BLNK: variants seen among roughly 807,000 people sequenced by gnomAD.
BLNK encodes B-cell linker protein.
BLNK carries 29 observed loss-of-function variants against 73.5 expected under a neutral mutation model. The observed-to-expected ratio is 0.39, with a 90% CI of 0.29 to 0.54. The LOEUF (loss-of-function observed/expected upper bound fraction) is 0.54. Ranked by LOEUF, BLNK falls within the 20% of genes least tolerant of loss-of-function variation. The pLI is 0.61. For synonymous variants in BLNK, 176 were observed against 200.8 expected, an observed-to-expected ratio of 0.88 and a Z score of 1.04; for missense variants, 460 against 562.8, an observed-to-expected ratio of 0.82 and a Z score of 1.85.
chr10:96,220,290 T>C (rs782740779), intron 6 of BLNK, among the ~76,000 whole-genome samples: 1 of 152,164 alleles, frequency 6.6e-6, no homozygotes, highest in Non-Finnish European at 1.5e-5. Context: ...TCATTAATCT[T>C]GTCAGTGCGA....
intron 6 of BLNK, among the ~76,000 whole-genome samples, chr10:96,220,451 C>G (rs183522079): frequency 7.2e-5 from 11 of 152,322 alleles, no homozygotes; most frequent in Non-Finnish European, 8.8e-5. Flanking sequence ...GCCCAACTTT[C>G]TCATCTTTAT....
At position 96,204,099 on chromosome 10, in the gene BLNK, G is replaced by C; in HGVS notation, c.903-11C>G. On this transcript the variant is annotated splice_polypyrimidine_tract_variant and intron_variant, in intron 12 of 16. Coordinates refer to ENST00000224337, the MANE Select transcript of BLNK (RefSeq NM_013314.4). ...TTTTGGTGGATTTGTCTGCAAGAAA[G>C]AATTTCAGATAATTAAAGGACAAAG... 6.2e-7 allele frequency: 1 copy of C among 1,613,756 alleles called. No homozygotes were observed. The highest frequency in any genetic ancestry group is 8.5e-7 in the Non-Finnish European group (1 of 1,179,716).
At chr10:96,225,147 C>T (rs147941644) in intron 5 of BLNK, among the ~76,000 whole-genome samples, 18 of 152,312 alleles carry the variant, frequency 1.2e-4, no homozygotes, top group Middle Eastern at 3.4e-3. Flanking sequence ...AGGCGTTAGG[C>T]GGCCTCAAGT....
At chr10:96,244,417 G>C (rs1842972798) in intron 2 of BLNK, among the ~76,000 whole-genome samples, 1 of 152,154 alleles carries the variant, frequency 6.6e-6, no homozygotes, top group Non-Finnish European at 1.5e-5. Flanking sequence ...CTCACTAAAG[G>C]ACTGTTGGCC....
In BLNK at chr10:96,200,371, G is replaced by C. The variant is rs1339043807; in HGVS notation, c.1012-213C>G. Among the ~76,000 whole-genome samples, 1 of 151,964 alleles carries C rather than the reference G, an allele frequency of 6.6e-6. No homozygotes were observed. Among genetic ancestry groups the C allele is most frequent in the African/African-American group, 2.4e-5 (1 of 41,374 alleles). ...TTTTTTTTCATTTGGCCTTAGCTAGGTTCCTGAATTATTTCTTTCTTTCTC... is the reference window on the plus strand; with the variant it reads ...TTTTTTTTCATTTGGCCTTAGCTAGCTTCCTGAATTATTTCTTTCTTTCTC... On this transcript the variant is annotated intron_variant, in intron 14 of 16. Coordinates refer to ENST00000224337, the MANE Select transcript of BLNK (RefSeq NM_013314.4). This position sits in a 1 kb window ranked among gnomAD's most constrained non-coding sequence, Gnocchi z 4.3.
intron 12 of BLNK, 180 bp downstream of exon 12, chr10:96,204,352 T>A (rs1400788199): frequency 1.3e-6 from 1 of 763,202 alleles, no homozygotes. Flanking sequence ...AGTAGGTCTC[T>A]GCAACTCTAC....
Position 96,204,088 on chromosome 10 carries a change from T to G in BLNK, c.903A>C (p.Lys301Asn), listed in dbSNP as rs1253972353. 2 of 1,613,952 alleles carry G rather than the reference T, an allele frequency of 1.2e-6. No individual in the cohort carries two copies. The highest frequency in any genetic ancestry group is 2.2e-5 in the East Asian group (1 of 44,876). Reference sequence around the variant, plus strand: ...GAGGTATGGGTTTTTGGTGGATTTGTCTGCAAGAAAGAATTTCAGATAATT... The same window carrying G: ...GAGGTATGGGTTTTTGGTGGATTTGGCTGCAAGAAAGAATTTCAGATAATT... ...VQSPVFPPAQ[K>N]QIHQKPIPLP... Residue 301 changes from lysine (K) to asparagine (N), a missense_variant and splice_region_variant, in exon 13 of 17, where the codon AAA (lysine) becomes AAC (asparagine). Around this residue, in one of 3 missense-constraint regions of BLNK, gnomAD observed 233 missense variants for 232.1 expected, o/e 1.00. Coordinates refer to ENST00000224337, the MANE Select transcript of BLNK (RefSeq NM_013314.4).
Position 96,192,774 on chromosome 10 carries a change from A to G in BLNK, c.1252-682T>C, listed in dbSNP as rs587594733. On this transcript the variant is annotated intron_variant, in intron 16 of 16. Transcript: ENST00000224337. ...TTCTGAAAAATAATTAAAGTTTTGA[A>G]GGAAAGATAAAAACAAATGTAACAC... is the stretch of plus-strand genomic sequence containing the variant. Among the ~76,000 whole-genome samples the G allele has an allele frequency of 1.8e-4, 27 of 152,320 alleles. No homozygotes were observed. The South Asian group carries it at 2.7e-3, about 15-fold the overall frequency.
chr10:96,213,399 C>T (rs187916529), intron 8 of BLNK, among the ~76,000 whole-genome samples: 20 of 152,278 alleles, frequency 1.3e-4, no homozygotes, highest in Admixed American at 3.3e-4. Flanking sequence ...GGAATAAGTA[C>T]GGGCTAAGTG....
intron 3 of BLNK, among the ~76,000 whole-genome samples, chr10:96,232,589 T>G (rs964977942): frequency 3.1e-4 from 47 of 152,136 alleles, no homozygotes; most frequent in African/African-American, 1.1e-3. Flanking sequence ...GGGAAAAACA[T>G]GATAGGTGCT....
At chr10:96,203,947 A>C (rs782276368) in intron 13 of BLNK, 110 bp downstream of exon 13, 154 of 828,500 alleles carry the variant, frequency 1.9e-4, no homozygotes, top group Non-Finnish European at 2.8e-4. Context: ...AGAAGATGCC[A>C]GGATAACGCA....
In BLNK at chr10:96,249,603, G is replaced by A. The variant is rs113635377; in HGVS notation, c.48-2554C>T. Among the ~76,000 whole-genome samples, 1,278 of 152,292 alleles carry A rather than the reference G, an allele frequency of 8.4e-3. 24 individuals are homozygous for A. The highest frequency in any genetic ancestry group is 0.029 in the African/African-American group (1,206 of 41,552). ...GGGAACTTAGGCTGCAGATTTTGGG[G>A]AGATCTCTCTCCTTCTAGGGCTAAT... On this transcript the variant is annotated intron_variant, in intron 1 of 16. Coordinates refer to ENST00000224337, the MANE Select transcript of BLNK (RefSeq NM_013314.4).
At position 96,247,515 on chromosome 10, in the gene BLNK, T is replaced by G. The variant is rs555557066; in HGVS notation, c.48-466A>C. On this transcript the variant is annotated intron_variant, in intron 1 of 16. Coordinates refer to ENST00000224337, the MANE Select transcript of BLNK (RefSeq NM_013314.4). ...AATGACTATTAAATCTGGCTGATAT[T>G]TGAAACTTCTGTAGAACAAAAAGTA... is the stretch of plus-strand genomic sequence containing the variant. 6.4e-4 allele frequency among the ~76,000 whole-genome samples: 97 copies of G among 152,304 alleles called. No individual in the cohort carries two copies. The Middle Eastern group carries it at 0.01, about 16-fold the overall frequency.
At chr10:96,255,128 A>G (rs1843455536) in intron 1 of BLNK, among the ~76,000 whole-genome samples, 1 of 152,174 alleles carries the variant, frequency 6.6e-6, no homozygotes, top group Non-Finnish European at 1.5e-5. Context: ...AGGAATCCAT[A>G]GTGAGAATCC....
intron 10 of BLNK, 57 bp downstream of exon 10, chr10:96,207,815 G>T: frequency 6.3e-7 from 1 of 1,589,862 alleles, no homozygotes; most frequent in Non-Finnish European, 8.6e-7. Context: ...TAAATAAATG[G>T]ATAAGAATAA....
At chr10:96,218,445 C>T (rs2084117717) in intron 6 of BLNK, among the ~76,000 whole-genome samples, 1 of 152,122 alleles carries the variant, frequency 6.6e-6, no homozygotes, top group African/African-American at 2.4e-5. Flanking sequence ...AATCCCAGAA[C>T]TTTGGGAGGC....
chr10:96,250,313 C>T (rs571978239), intron 1 of BLNK, among the ~76,000 whole-genome samples: 4 of 151,772 alleles, frequency 2.6e-5, no homozygotes, highest in African/African-American at 9.7e-5. Flanking sequence ...TCTCCTTTTC[C>T]TGAGGAACTA....
chr10:96,261,041 C>A (rs782084005), intron 1 of BLNK, among the ~76,000 whole-genome samples: 4 of 151,918 alleles, frequency 2.6e-5, no homozygotes, highest in Non-Finnish European at 5.9e-5. Context: ...GACAGGGTTT[C>A]GCCATGTTGC....
At chr10:96,260,246 G>A (rs1248125355) in intron 1 of BLNK, among the ~76,000 whole-genome samples, 6 of 152,182 alleles carry the variant, frequency 3.9e-5, no homozygotes, top group African/African-American at 1.4e-4. Context: ...AGAACACTAA[G>A]AGGTCATGTC....
Sources: allele counts gnomAD v4.1 joint callset (sites outside exome capture counted in the v4.1 genomes callset), GRCh38; gene constraint gnomAD v4.1.1; regional missense constraint gnomAD v4.1.1; non-coding constraint Gnocchi (gnomAD v3.1); transcripts MANE v1.5; gene names NCBI Gene and HGNC (gene_info 2026-07-23, HGNC 2026-07-21).